The following SUGCT variants were observed in gnomAD, a reference collection of about 807,000 sequenced individuals.
The protein encoded by SUGCT is succinyl-CoA:glutarate CoA-transferase.
In SUGCT, 41 loss-of-function variants were observed where a neutral mutation model predicts 55.0. The ratio of observed to expected loss-of-function variants is 0.74; its 90% CI spans 0.58 to 0.97. The LOEUF (loss-of-function observed/expected upper bound fraction) is 0.97, where lower values mean the gene tolerates loss of function less well. Among genes scored for constraint, SUGCT ranks in the 50% least tolerant of loss-of-function variants. SUGCT has a pLI of 0.00. For synonymous variants in SUGCT, 187 were observed against 200.4 expected (o/e 0.93, Z 0.56); for missense variants, 568 against 547.8 (o/e 1.04, Z -0.37).
At chr7:40,852,814 A>T (rs1240545440) in intron 13 of SUGCT, among the ~76,000 whole-genome samples, 3 of 152,000 alleles carry the variant, frequency 2.0e-5, no homozygotes, top group Non-Finnish European at 4.4e-5. Flanking sequence ...TTCCATTTTC[A>T]ACTTGGTTTT....
At chr7:40,811,122 T>C (rs2128757636) in intron 13 of SUGCT, among the ~76,000 whole-genome samples, 1 of 152,262 alleles carries the variant, frequency 6.6e-6, no homozygotes, top group Middle Eastern at 3.4e-3. Context: ...TGTTCTATAT[T>C]TCTGTTTTTG....
chr7:40,980,201 T>G, the SUGCT span, among the ~76,000 whole-genome samples: 4 of 152,090 alleles, frequency 2.6e-5, no homozygotes, highest in Admixed American at 2.6e-4. Flanking sequence ...TGGTGTTTCA[T>G]CCTCACTAAT....
chr7:40,620,244 A>G (rs553978875), intron 12 of SUGCT, among the ~76,000 whole-genome samples: 1 of 152,310 alleles, frequency 6.6e-6, no homozygotes, highest in Non-Finnish European at 1.5e-5. Flanking sequence ...CACCCCAAAG[A>G]GCCATTTGTT....
chr7:40,824,607 G>T (rs564462493), intron 13 of SUGCT, among the ~76,000 whole-genome samples: 26 of 152,320 alleles, frequency 1.7e-4, no homozygotes, highest in Admixed American at 7.2e-4. Context: ...GCTTCTTCCT[G>T]TGTCTTTGTT....
the SUGCT span, among the ~76,000 whole-genome samples, chr7:40,889,918 T>C: frequency 1.1e-4 from 16 of 152,164 alleles, no homozygotes; most frequent in Non-Finnish European, 5.9e-5. Context: ...TTCAACGTGA[T>C]ACCTGACAAC....
intron 13 of SUGCT, among the ~76,000 whole-genome samples, chr7:40,786,144 C>A (rs924470071): frequency 3.3e-5 from 5 of 151,998 alleles, no homozygotes; most frequent in African/African-American, 1.2e-4. Context: ...TTGCATAATG[C>A]CTTGAATTTT....
the SUGCT span, among the ~76,000 whole-genome samples, chr7:40,881,453 C>G: frequency 6.6e-6 from 1 of 152,178 alleles, no homozygotes; most frequent in African/African-American, 2.4e-5. Flanking sequence ...AGCCCCCTGC[C>G]TTCTCCCTTA....
chr7:40,188,414 A>G, intron 3 of SUGCT, 81 bp from the exon 4 acceptor site: 1 of 997,956 alleles, frequency 1.0e-6, no homozygotes, highest in Non-Finnish European at 1.5e-6. Flanking sequence ...AGCCTGGGCA[A>G]CAGAGCAAGA....
intron 8 of SUGCT, among the ~76,000 whole-genome samples, chr7:40,313,505 C>G (rs952986495): frequency 6.6e-6 from 1 of 152,132 alleles, no homozygotes; most frequent in Non-Finnish European, 1.5e-5. Flanking sequence ...GGTAATACCC[C>G]CTTTAAACAT....
chr7:40,786,107 A>G (rs1396541994), intron 13 of SUGCT, among the ~76,000 whole-genome samples: 2 of 152,126 alleles, frequency 1.3e-5, no homozygotes, highest in East Asian at 1.9e-4. Context: ...TCCAAATAAG[A>G]AGAAAAAAGA....
intron 6 of SUGCT, among the ~76,000 whole-genome samples, chr7:40,230,486 A>T (rs1788656261): frequency 6.6e-6 from 1 of 152,244 alleles, no homozygotes; most frequent in Non-Finnish European, 1.5e-5. Context: ...TAGCCACATG[A>T]AGAATAAACT....
At chr7:40,245,464 G>T (rs1249360708) in intron 7 of SUGCT, among the ~76,000 whole-genome samples, 1 of 81,102 alleles carries the variant, frequency 1.2e-5, no homozygotes, top group East Asian at 3.8e-4. Context: ...TTTTGAGATG[G>T]AGTCTCGCTC....
intron 11 of SUGCT, among the ~76,000 whole-genome samples, chr7:40,486,724 C>CTTTT (rs59425229): frequency 7.5e-6 from 1 of 133,896 alleles, no homozygotes; most frequent in Non-Finnish European, 1.6e-5. Context: ...TTCTTCCTTC[C>CTTTT]TTTTTTTTTT....
At chr7:40,364,778 C>T (rs1293574397) in intron 9 of SUGCT, among the ~76,000 whole-genome samples, 1 of 151,964 alleles carries the variant, frequency 6.6e-6, no homozygotes, top group Non-Finnish European at 1.5e-5. Flanking sequence ...CAATAGCTTA[C>T]CAACCAAAAA....
intron 12 of SUGCT, among the ~76,000 whole-genome samples, chr7:40,555,987 A>G (rs1225230593): frequency 6.6e-6 from 1 of 152,014 alleles, no homozygotes; most frequent in East Asian, 1.9e-4. Flanking sequence ...ATCACCATGT[A>G]CCCTACATAA....
At chr7:40,453,329 C>A (rs956590133) in intron 10 of SUGCT, among the ~76,000 whole-genome samples, 2 of 152,172 alleles carry the variant, frequency 1.3e-5, no homozygotes, top group Admixed American at 1.3e-4. Context: ...GCCCTGGAAC[C>A]ATGCTGGGGA....
chr7:40,135,681 G>C (rs1042525521), intron 1 of SUGCT, among the ~76,000 whole-genome samples: 2 of 151,876 alleles, frequency 1.3e-5, no homozygotes, highest in Non-Finnish European at 2.9e-5. Context: ...TTTTGAGACG[G>C]AGTCTCGCTG....
the SUGCT span, among the ~76,000 whole-genome samples, chr7:41,006,343 T>A: frequency 0.11 from 16,853 of 152,202 alleles, 2,066 homozygotes; most frequent in African/African-American, 0.3. Context: ...AAAGGCACTC[T>A]GAGCCAACAA....
At chr7:40,332,417 T>C (rs753228441) in intron 9 of SUGCT, among the ~76,000 whole-genome samples, 6 of 151,228 alleles carry the variant, frequency 4.0e-5, no homozygotes, top group Non-Finnish European at 7.4e-5. Context: ...TCATCTTTCT[T>C]GTTAGACTTT....
Sources: gnomAD v4.1 joint callset for allele counts (sites outside exome capture counted in the v4.1 genomes callset) on GRCh38, gnomAD v4.1.1 for gene constraint, MANE v1.5 for transcripts, NCBI Gene and HGNC (gene_info 2026-07-23, HGNC 2026-07-21) for gene names.